Variants in PER2 observed in about 807,000 individuals in gnomAD.
PER2 encodes period circadian protein homolog 2.
Under a neutral mutation model 121.0 loss-of-function variants are expected in PER2, and 66 were observed. That is an observed-to-expected ratio of 0.55 (90% CI 0.45 to 0.67). PER2 has a LOEUF of 0.67. PER2 is among the 30% of genes least tolerant of loss of function. The probability of loss-of-function intolerance (pLI) is 0.00; values close to 1 mark genes in which losing one functional copy is unlikely to be tolerated. For missense variants in PER2, 1,521 were observed against 1,635.0 expected (o/e 0.93, Z 1.20); for synonymous variants, 684 against 659.9 (o/e 1.04, Z -0.56).
At chr2:238,265,637 T>C (rs1696069163) in intron 8 of PER2, 47 bp from the exon 9 acceptor site, 1 of 1,118,104 alleles carries the variant, frequency 8.9e-7, no homozygotes, top group Non-Finnish European at 1.4e-6. Flanking sequence ...AAGAAATGCA[T>C]ATTTGATGTT....
chr2:238,272,274 G>A (rs1379698934), intron 5 of PER2, among the ~76,000 whole-genome samples: 1 of 152,180 alleles, frequency 6.6e-6, no homozygotes, highest in East Asian at 1.9e-4. Context: ...CATGGCACCT[G>A]GTGTCCAGGC....
At chr2:238,269,747 G>T (rs114367661) in intron 6 of PER2, among the ~76,000 whole-genome samples, 1 of 152,068 alleles carries the variant, frequency 6.6e-6, no homozygotes, top group African/African-American at 2.4e-5. Context: ...CCAACTAACC[G>T]ACAACTGAGC....
At chr2:238,284,740 A>G (rs1441448952) in intron 1 of PER2, among the ~76,000 whole-genome samples, 2 of 152,210 alleles carry the variant, frequency 1.3e-5, no homozygotes, top group Non-Finnish European at 2.9e-5. Flanking sequence ...CCCCGACATT[A>G]CCTTAGGTGG....
At chr2:238,272,849 G>A (rs1319978007) in intron 5 of PER2, among the ~76,000 whole-genome samples, 1 of 152,244 alleles carries the variant, frequency 6.6e-6, no homozygotes, top group East Asian at 1.9e-4. Context: ...GACAAAGTTG[G>A]TCAGGGACGA....
intron 4 of PER2, among the ~76,000 whole-genome samples, chr2:238,273,913 G>A (rs181482132): frequency 4.6e-5 from 7 of 152,234 alleles, no homozygotes; most frequent in South Asian, 2.1e-4. Context: ...TGATCTGCCC[G>A]CCTCGGCCTC....
At chr2:238,281,399 T>C (rs531615694) in intron 1 of PER2, among the ~76,000 whole-genome samples, 2 of 152,368 alleles carry the variant, frequency 1.3e-5, no homozygotes, top group South Asian at 4.1e-4. Context: ...TAGCTGGTTT[T>C]ATCAACATCC....
Position 238,245,385 on chromosome 2 carries a change from C to T in PER2, c.*990G>A. 1 of 392,108 alleles carries T rather than the reference C, an allele frequency of 2.6e-6. No homozygotes were observed. Among genetic ancestry groups the T allele is most frequent in the Non-Finnish European group, 4.5e-6 (1 of 222,358 alleles). 24.3% of individuals were successfully genotyped at this position (392,108 alleles called of 1,614,324 possible). A position where few individuals can be genotyped will look rare whatever the true frequency, so the allele number is the denominator to read the frequency against. On this transcript the variant is annotated 3_prime_UTR_variant, in exon 23 of 23. Coordinates refer to ENST00000254657, the MANE Select transcript of PER2 (RefSeq NM_022817.3). ...CAGTGGGAGAGGTGAGCTCACTGCA[C>T]CCCTGAAAATACAGATGCAGTCGCA...
Position 238,252,386 on chromosome 2 carries a change from C to G in PER2, c.3111+526G>C, listed in dbSNP as rs1167111787. 6.6e-6 allele frequency among the ~76,000 whole-genome samples: 1 copy of G among 152,248 alleles called. No homozygotes were observed. The highest frequency in any genetic ancestry group is 1.5e-5 in the Non-Finnish European group (1 of 68,046). On this transcript the variant is annotated intron_variant, in intron 19 of 22. Coordinates refer to ENST00000254657, the MANE Select transcript of PER2 (RefSeq NM_022817.3). The surrounding 1 kb of genome is among the most constrained non-coding windows in gnomAD (Gnocchi z 4.2). ...CCACACACTTGAGCTCGTTCAGAAA[C>G]ACAAGCGTTTAACTGCAAATACAAC...
intron 6 of PER2, among the ~76,000 whole-genome samples, chr2:238,269,292 G>A (rs1448292996): frequency 1.2e-4 from 18 of 151,310 alleles, no homozygotes; most frequent in Admixed American, 8.6e-4. Context: ...ACACACTCAC[G>A]GTGCACTGCT....
intron 6 of PER2, among the ~76,000 whole-genome samples, chr2:238,270,860 T>C (rs1468089026): frequency 6.6e-6 from 1 of 152,246 alleles, no homozygotes; most frequent in Non-Finnish European, 1.5e-5. Flanking sequence ...ACAGTCTGTA[T>C]ACCCAAAGCC....
intron 1 of PER2, among the ~76,000 whole-genome samples, chr2:238,278,173 G>A (rs1002964784): frequency 3.9e-5 from 6 of 152,036 alleles, no homozygotes; most frequent in East Asian, 1.9e-4. Flanking sequence ...GGGCTCAAGC[G>A]ATCCTCCCAC....
chr2:238,272,707 C>T (rs1696327055), intron 5 of PER2, among the ~76,000 whole-genome samples: 1 of 152,208 alleles, frequency 6.6e-6, no homozygotes, highest in Admixed American at 6.5e-5. Flanking sequence ...TCCCAGCTCC[C>T]CCTCATGACC....
intron 4 of PER2, among the ~76,000 whole-genome samples, chr2:238,275,204 C>T (rs1443165129): frequency 6.6e-6 from 1 of 152,186 alleles, no homozygotes; most frequent in East Asian, 1.9e-4. Context: ...ATGTGCGCAA[C>T]ACATGAAAAG....
chr2:238,283,792 G>A (rs1162881761), intron 1 of PER2, among the ~76,000 whole-genome samples: 1 of 152,182 alleles, frequency 6.6e-6, no homozygotes, highest in East Asian at 1.9e-4. Flanking sequence ...AGGGTACCAA[G>A]GGCATTCTCT....
At chr2:238,273,708 C>G (rs1421619655) in intron 4 of PER2, among the ~76,000 whole-genome samples, 1 of 152,144 alleles carries the variant, frequency 6.6e-6, no homozygotes, top group African/African-American at 2.4e-5. Context: ...GCTCTGTCAC[C>G]AGGCTGGAGT....
chr2:238,295,147 CAACATGGAAAAACATCACTTGTCCCTA>C, the PER2 span, among the ~76,000 whole-genome samples: 1 of 152,322 alleles, frequency 6.6e-6, no homozygotes, highest in African/African-American at 2.4e-5. Context: ...CCCTGGTGCC[CAACATGGAAAAACATCACTTGTCCCTA>C]AACGGAGTCT....
At chr2:238,283,156 C>A (rs1696679852) in intron 1 of PER2, among the ~76,000 whole-genome samples, 2 of 152,348 alleles carry the variant, frequency 1.3e-5, no homozygotes, top group Non-Finnish European at 2.9e-5. Flanking sequence ...CAAGGAGGAG[C>A]TGGCAGAAAA....
intron 4 of PER2, among the ~76,000 whole-genome samples, chr2:238,273,874 G>A (rs1217659683): frequency 6.6e-6 from 1 of 152,158 alleles, no homozygotes; most frequent in Non-Finnish European, 1.5e-5. Context: ...CACCATGTTG[G>A]CCAGGATGGT....
chr2:238,283,330 T>C (rs571442374), intron 1 of PER2, among the ~76,000 whole-genome samples: 1 of 152,242 alleles, frequency 6.6e-6, no homozygotes, highest in African/African-American at 2.4e-5. Flanking sequence ...GTCTTGTGTG[T>C]GCTTTCCAGA....
Sources: gnomAD v4.1 joint callset for allele counts (sites outside exome capture counted in the v4.1 genomes callset) on GRCh38, gnomAD v4.1.1 for gene constraint, Gnocchi (gnomAD v3.1) non-coding constraint, MANE v1.5 for transcripts, NCBI Gene and HGNC (gene_info 2026-07-23, HGNC 2026-07-21) for gene names.